ACTN1: variants seen among roughly 807,000 people sequenced by gnomAD.
ACTN1 encodes alpha-actinin-1.
A neutral mutation model predicts 119.6 loss-of-function variants in ACTN1; 30 were observed. The observed-to-expected ratio is 0.25, with a 90% CI of 0.19 to 0.34. The LOEUF is 0.34. ACTN1 is among the 10% of genes least tolerant of loss of function. The pLI is 1.00. For synonymous variants in ACTN1, 429 were observed against 472.6 expected (o/e 0.91, Z 1.20); for missense variants, 764 against 1,223.4 (o/e 0.62, Z 5.60).
chr14:68,878,289 G>A lies in ACTN1; in HGVS notation c.2427+169C>T, dbSNP rs561378299. 2.9e-5 allele frequency: 28 copies of A among 969,972 alleles called. No homozygotes were observed. Among genetic ancestry groups the A allele is most frequent in the Admixed American group, 3.1e-5 (1 of 32,554 alleles). The allele number at this position is 969,972 out of a possible 1,614,324, so 60.1% of individuals were successfully genotyped here. On this transcript the variant is annotated intron_variant, in intron 20 of 21. Transcript: ENST00000394419. The surrounding 1 kb of genome is among the most constrained non-coding windows in gnomAD (Gnocchi z 4.4). Reference sequence around the variant, plus strand: ...CCCGGATACACACACGCCCGTGGCCGGGCCGGCTTTCAGGGAGCCATCTTC... The same window carrying A: ...CCCGGATACACACACGCCCGTGGCCAGGCCGGCTTTCAGGGAGCCATCTTC...
chr14:68,938,525 T>C (rs190178800), intron 1 of ACTN1, among the ~76,000 whole-genome samples: 1 of 152,186 alleles, frequency 6.6e-6, no homozygotes, highest in Admixed American at 6.5e-5. Flanking sequence ...ACGACCAAAT[T>C]AGACCCTATG....
intron 1 of ACTN1, among the ~76,000 whole-genome samples, chr14:68,929,006 A>G (rs4406993): frequency 1.9e-4 from 26 of 133,810 alleles, no homozygotes; most frequent in African/African-American, 4.3e-4. Flanking sequence ...ACTGTGGCAC[A>G]TTCGTGGGAG....
At chr14:68,951,108 C>T (rs138090963) in intron 1 of ACTN1, among the ~76,000 whole-genome samples, 276 of 152,274 alleles carry the variant, frequency 1.8e-3, no homozygotes, top group Middle Eastern at 0.01. Flanking sequence ...CCTGGCCCCC[C>T]GCCCTTTGAG....
intron 4 of ACTN1, 117 bp downstream of exon 4, chr14:68,912,039 A>G: frequency 1.2e-6 from 1 of 820,530 alleles, no homozygotes; most frequent in Non-Finnish European, 2.0e-6. Flanking sequence ...ATGAGCAAGA[A>G]GCCCAGGACA....
In ACTN1 at chr14:68,885,557, C is replaced by G. The variant is rs768154024; in HGVS notation, c.1253G>C (p.Arg418Pro). 1 of 1,613,580 alleles carries G rather than the reference C, an allele frequency of 6.2e-7. No individual in the cohort carries two copies. Among genetic ancestry groups the G allele is most frequent in the South Asian group, 1.1e-5 (1 of 91,070 alleles). ...GGTGGCGGTCTCATAGTCCTTCTGTCGCAGCATGGCCTCTTTGCCTGGGTT... is the reference window on the plus strand; with the variant it reads ...GGTGGCGGTCTCATAGTCCTTCTGTGGCAGCATGGCCTCTTTGCCTGGGTT... ...AWTDGKEAML[R>P]QKDYETATLS... Residue 418 changes from arginine (R) to proline (P), a missense_variant, in exon 12 of 22, where the codon CGA (arginine) becomes CCA (proline). Arg to Pro is a moderately radical substitution (Grantham distance 103, BLOSUM62 -2). Coordinates refer to ENST00000394419, the MANE Select transcript of ACTN1 (RefSeq NM_001130004.2). The surrounding 1 kb of genome is among the most constrained non-coding windows in gnomAD (Gnocchi z 5.6).
chr14:68,918,708 G>A (rs10130479), intron 3 of ACTN1, among the ~76,000 whole-genome samples: 7,646 of 151,632 alleles, frequency 0.05, 614 homozygotes, highest in African/African-American at 0.17. Context: ...ATCCTGGCTA[G>A]CACAGTGAAA....
intron 2 of ACTN1, among the ~76,000 whole-genome samples, chr14:68,923,632 G>A (rs995841850): frequency 1.3e-5 from 2 of 151,894 alleles, no homozygotes; most frequent in African/African-American, 4.8e-5. Context: ...CAACATGGTG[G>A]AACCCTATCT....
At chr14:68,977,553 A>G (rs926849397) in intron 1 of ACTN1, 2 of 212,336 alleles carry the variant, frequency 9.4e-6, no homozygotes, top group Non-Finnish European at 1.9e-5. Context: ...GAGGAAGCCC[A>G]TTGTGTGTGT....
At chr14:68,884,907 G>C (rs1342482501) in intron 12 of ACTN1, 24 bp from the exon 13 acceptor site, 1 of 1,576,316 alleles carries the variant, frequency 6.3e-7, no homozygotes, top group Non-Finnish European at 8.7e-7. Flanking sequence ...AGACAAGGAA[G>C]TCAGGGGACC....
intron 1 of ACTN1, among the ~76,000 whole-genome samples, chr14:68,951,632 T>A (rs2036173256): frequency 6.6e-6 from 1 of 152,152 alleles, no homozygotes. Context: ...AAGGCCCCTT[T>A]CAGCTCTGAA....
chr14:68,908,010 CTTTT>C (rs112626957), intron 6 of ACTN1, among the ~76,000 whole-genome samples: 1 of 146,892 alleles, frequency 6.8e-6, no homozygotes, highest in Non-Finnish European at 1.5e-5. Context: ...GGAAGGTTCT[CTTTT>C]TTTTTTTTTC....
rs139445973 is a variant in ACTN1 at position 68,921,567 on chromosome 14, G to A, written c.221-442C>T. 6.6e-5 allele frequency among the ~76,000 whole-genome samples: 10 copies of A among 152,286 alleles called. No individual in the cohort carries two copies. The East Asian group carries it at 1.9e-3, about 29-fold the overall frequency. ...AAGATCCATGCTCTTCAAAAGAGGA[G>A]GAGGAAGAGGAAGGAGGAACTGAGG... On this transcript the variant is annotated intron_variant, in intron 2 of 21. Coordinates refer to ENST00000394419, the MANE Select transcript of ACTN1 (RefSeq NM_001130004.2).
At chr14:68,952,249 T>C (rs548899370) in intron 1 of ACTN1, among the ~76,000 whole-genome samples, 1 of 152,316 alleles carries the variant, frequency 6.6e-6, no homozygotes, top group African/African-American at 2.4e-5. Context: ...GAGGGAGGCC[T>C]GCTGGAGGCC....
intron 1 of ACTN1, among the ~76,000 whole-genome samples, chr14:68,948,712 A>G (rs2036027837): frequency 6.6e-6 from 1 of 152,108 alleles, no homozygotes; most frequent in Admixed American, 6.6e-5. Flanking sequence ...CAAATCCCAA[A>G]TTATTTTCAT....
Position 68,874,882 on chromosome 14 carries a change from G to A in ACTN1, c.2722C>T (p.Leu908=). Reference sequence around the variant, plus strand: ...GATTAGAGGTCACTCTCGCCGTACAGCGCCGTGGAGAAGGACATGTAGTCC... The same window carrying A: ...GATTAGAGGTCACTCTCGCCGTACAACGCCGTGGAGAAGGACATGTAGTCC... ...ALDYMSFSTA[L]YGESDL Residue 908 remains leucine, a synonymous_variant, in exon 22 of 22, where the codon CTG becomes TTG. Transcript: ENST00000394419. 2 of 1,601,238 alleles carry A rather than the reference G, an allele frequency of 1.2e-6. No individual in the cohort carries two copies. The highest frequency in any genetic ancestry group is 1.7e-6 in the Non-Finnish European group (2 of 1,170,108).
At chr14:68,977,904 GA>G in intron 1 of ACTN1, 1 of 455,278 alleles carries the variant, frequency 2.2e-6, no homozygotes, top group Non-Finnish European at 4.4e-6. Flanking sequence ...GAGGGGGAGG[GA>G]AAGGGGTATT....
At chr14:68,927,153 TAGATAGGGG>T (rs143994160) in intron 1 of ACTN1, among the ~76,000 whole-genome samples, 4,046 of 152,208 alleles carry the variant, frequency 0.027, 190 homozygotes, top group African/African-American at 0.091. Flanking sequence ...CAGATCAGGG[TAGATAGGGG>T]ACATACACTG....
chr14:68,970,514 A>G (rs8009158), intron 1 of ACTN1, among the ~76,000 whole-genome samples: 3,192 of 152,318 alleles, frequency 0.021, 75 homozygotes, highest in African/African-American at 0.062. Flanking sequence ...GGTGACCACA[A>G]AGGAAGAGAC....
chr14:68,960,484 A>G (rs1172108086), intron 1 of ACTN1, among the ~76,000 whole-genome samples: 2 of 152,186 alleles, frequency 1.3e-5, no homozygotes, highest in Admixed American at 1.3e-4. Flanking sequence ...TATAATTTAA[A>G]ATTTTCAATT....
Sources: allele counts gnomAD v4.1 joint callset (sites outside exome capture counted in the v4.1 genomes callset), GRCh38; gene constraint gnomAD v4.1.1; non-coding constraint Gnocchi (gnomAD v3.1); transcripts MANE v1.5; gene names NCBI Gene and HGNC (gene_info 2026-07-23, HGNC 2026-07-21).